Variants in GRIA1 observed in about 807,000 individuals in gnomAD.
The protein encoded by GRIA1 is glutamate receptor 1.
A neutral mutation model predicts 99.2 loss-of-function variants in GRIA1; 31 were observed. The ratio of observed to expected loss-of-function variants is 0.31; its 90% CI spans 0.23 to 0.42. GRIA1 has a LOEUF of 0.42. Among genes scored for constraint, GRIA1 ranks in the 10% least tolerant of loss-of-function variants. GRIA1 has a pLI of 1.00. For synonymous variants in GRIA1, 438 were observed against 432.4 expected (o/e 1.01, Z -0.16); for missense variants, 782 against 1,157.5 (o/e 0.68, Z 4.71).
At chr5:153,643,721 T>A (rs1753935883) in intron 2 of GRIA1, among the ~76,000 whole-genome samples, 1 of 152,042 alleles carries the variant, frequency 6.6e-6, no homozygotes, top group Non-Finnish European at 1.5e-5. Context: ...TTTTAGGGAG[T>A]AGTGCGTAAA....
intron 2 of GRIA1, among the ~76,000 whole-genome samples, chr5:153,575,591 G>A (rs980588031): frequency 6.6e-6 from 1 of 152,192 alleles, no homozygotes; most frequent in African/African-American, 2.4e-5. Context: ...AACCTAAAGA[G>A]GGAACAGGGC....
chr5:153,681,677 G>T (rs551394773), intron 7 of GRIA1, among the ~76,000 whole-genome samples: 7 of 152,286 alleles, frequency 4.6e-5, no homozygotes, highest in African/African-American at 1.7e-4. Flanking sequence ...CTGCTAAACA[G>T]ACATAATCCT....
At chr5:153,565,795 T>C (rs1240645038) in intron 2 of GRIA1, among the ~76,000 whole-genome samples, 2 of 150,786 alleles carry the variant, frequency 1.3e-5, no homozygotes, top group Non-Finnish European at 3.0e-5. Flanking sequence ...CCCTTTATGG[T>C]ATATCCATAA....
chr5:153,576,018 A>G (rs1173925492), intron 2 of GRIA1, among the ~76,000 whole-genome samples: 2 of 152,230 alleles, frequency 1.3e-5, no homozygotes, highest in African/African-American at 2.4e-5. Context: ...ACAGGTAGTT[A>G]TGCTACCCTA....
intron 2 of GRIA1, among the ~76,000 whole-genome samples, chr5:153,503,557 G>T (rs187401785): frequency 3.9e-5 from 6 of 152,286 alleles, no homozygotes; most frequent in African/African-American, 1.4e-4. Flanking sequence ...TCCTAGGAAG[G>T]TGTTCATTAC....
At chr5:153,552,109 T>A (rs1760201805) in intron 2 of GRIA1, among the ~76,000 whole-genome samples, 1 of 152,132 alleles carries the variant, frequency 6.6e-6, no homozygotes, top group South Asian at 2.1e-4. Context: ...AAACTGGTGT[T>A]CTATGGATTG....
intron 2 of GRIA1, among the ~76,000 whole-genome samples, chr5:153,565,658 A>T (rs1761548343): frequency 6.6e-6 from 1 of 152,024 alleles, no homozygotes; most frequent in South Asian, 2.1e-4. Flanking sequence ...ATTTCTGTAG[A>T]TTTGCCTATT....
At chr5:153,787,793 C>G (rs1268447570) in intron 13 of GRIA1, among the ~76,000 whole-genome samples, 3 of 152,122 alleles carry the variant, frequency 2.0e-5, no homozygotes, top group African/African-American at 7.2e-5. Context: ...AACTGACTCT[C>G]CACTTGGACA....
chr5:153,599,357 TC>T (rs1489858416), intron 2 of GRIA1, among the ~76,000 whole-genome samples: 7 of 152,324 alleles, frequency 4.6e-5, no homozygotes, highest in African/African-American at 1.7e-4. Context: ...ACAATACTTA[TC>T]CTAAAAGATC....
At chr5:153,635,958 T>G (rs1753325840) in intron 2 of GRIA1, among the ~76,000 whole-genome samples, 1 of 152,200 alleles carries the variant, frequency 6.6e-6, no homozygotes, top group Non-Finnish European at 1.5e-5. Context: ...TCTGTCCTTG[T>G]GCCAACATGT....
In GRIA1 at chr5:153,674,383, T is replaced by C. The variant is rs1487520598; in HGVS notation, c.700-117T>C. ...AAAGGAAAGGAGGCCTAACTGTCTC[T>C]CCATTGAGTAGGTTTCATCTGGTGG... On this transcript the variant is annotated intron_variant, in intron 5 of 15. Transcript: ENST00000285900. The C allele has an allele frequency of 1.1e-4, 118 of 1,103,500 alleles. No homozygotes were observed. In the East Asian group the frequency reaches 2.5e-3, roughly 24 times the overall value. The allele number at this position is 1,103,500 out of a possible 1,614,324, so 68.4% of individuals were successfully genotyped here. A position where few individuals can be genotyped will look rare whatever the true frequency, so the allele number is the denominator to read the frequency against.
chr5:153,650,156 A>G (rs1004069694), intron 3 of GRIA1, among the ~76,000 whole-genome samples, 174 bp from the exon 4 acceptor site: 22 of 152,214 alleles, frequency 1.4e-4, no homozygotes, highest in African/African-American at 5.1e-4. Flanking sequence ...ATGTTCAGAA[A>G]CACAGTGTCT....
At chr5:153,597,921 A>G (rs1180430402) in intron 2 of GRIA1, among the ~76,000 whole-genome samples, 1 of 151,510 alleles carries the variant, frequency 6.6e-6, no homozygotes, top group Non-Finnish European at 1.5e-5. Context: ...CTGAGTTGGG[A>G]GGATTGCTTG....
intron 11 of GRIA1, among the ~76,000 whole-genome samples, chr5:153,751,445 G>A (rs1384068123): frequency 2.0e-5 from 3 of 152,312 alleles, no homozygotes; most frequent in East Asian, 3.9e-4. Context: ...TGGCCCCCAG[G>A]CCAAATCCAG....
At chr5:153,760,928 G>A (rs540672506) in intron 11 of GRIA1, among the ~76,000 whole-genome samples, 211 of 152,238 alleles carry the variant, frequency 1.4e-3, no homozygotes, top group Middle Eastern at 3.4e-3. Context: ...ATGCAATGGG[G>A]AAGGGATAGT....
At chr5:153,559,219 A>G (rs1015447106) in intron 2 of GRIA1, among the ~76,000 whole-genome samples, 1 of 152,166 alleles carries the variant, frequency 6.6e-6, no homozygotes, top group Admixed American at 6.5e-5. Context: ...AGGAAGCATC[A>G]TTCAGACCTT....
At position 153,709,643 on chromosome 5, in the gene GRIA1, T is replaced by C. The variant is rs115214127; in HGVS notation, c.1823+3576T>C. On this transcript the variant is annotated intron_variant, in intron 11 of 15. Coordinates refer to ENST00000285900, the MANE Select transcript of GRIA1 (RefSeq NM_000827.4). ...CATTCTGTAAATTATCTTGGCCTTT[T>C]CTTCTTGTTCATAAGATGGCGGTTC... Among the ~76,000 whole-genome samples, 695 of 152,352 alleles carry C rather than the reference T, an allele frequency of 4.6e-3. 6 individuals carry two copies. The highest frequency in any genetic ancestry group is 0.016 in the African/African-American group (665 of 41,566).
intron 8 of GRIA1, among the ~76,000 whole-genome samples, chr5:153,695,488 G>A (rs556722930): frequency 2.4e-4 from 37 of 152,260 alleles, no homozygotes; most frequent in African/African-American, 7.7e-4. Flanking sequence ...TTCCATGAGC[G>A]GTGAAAGGCC....
At chr5:153,639,373 T>C (rs1753624304) in intron 2 of GRIA1, among the ~76,000 whole-genome samples, 1 of 152,206 alleles carries the variant, frequency 6.6e-6, no homozygotes, top group South Asian at 2.1e-4. Context: ...CTTTCCTCCT[T>C]TCCCCCTATA....
Sources: allele counts gnomAD v4.1 joint callset (sites outside exome capture counted in the v4.1 genomes callset), GRCh38; gene constraint gnomAD v4.1.1; transcripts MANE v1.5; gene names NCBI Gene and HGNC (gene_info 2026-07-23, HGNC 2026-07-21).